The following TMEM39B variants were observed in gnomAD, a reference collection of about 807,000 sequenced individuals.
TMEM39B encodes transmembrane protein 39B.
A neutral mutation model predicts 52.2 loss-of-function variants in TMEM39B; 23 were observed. The observed-to-expected ratio is 0.44, with a 90% CI of 0.32 to 0.62. TMEM39B has a LOEUF of 0.62. TMEM39B is among the 20% of genes least tolerant of loss of function. The pLI is 0.06. For synonymous variants in TMEM39B, 285 were observed against 264.0 expected (o/e 1.08, Z -0.77); for missense variants, 547 against 642.0 (o/e 0.85, Z 1.60).
At chr1:32,088,908 T>C (rs1210392811) in intron 5 of TMEM39B, among the ~76,000 whole-genome samples, 1 of 152,070 alleles carries the variant, frequency 6.6e-6, no homozygotes, top group Non-Finnish European at 1.5e-5. Context: ...GGCCTCTTCC[T>C]TTTCTAGTCA....
intron 8 of TMEM39B, among the ~76,000 whole-genome samples, chr1:32,100,983 A>G (rs1405403493): frequency 1.5e-4 from 23 of 152,194 alleles, no homozygotes; most frequent in Non-Finnish European, 3.4e-4. Context: ...GTGAGCCGAG[A>G]TCATGCCACT....
At chr1:32,076,535 G>T (rs914432973) in intron 3 of TMEM39B, 1 of 677,346 alleles carries the variant, frequency 1.5e-6, no homozygotes, top group African/African-American at 1.8e-5. Context: ...CAGAGCAAGA[G>T]GGCTCACATA....
chr1:32,081,113 C>T (rs899439812), intron 5 of TMEM39B, among the ~76,000 whole-genome samples: 3 of 152,104 alleles, frequency 2.0e-5, no homozygotes, highest in African/African-American at 7.2e-5. Context: ...CATAGAAAAA[C>T]ATTAGTCTCC....
chr1:32,074,414 C>T (rs144381157), intron 1 of TMEM39B, among the ~76,000 whole-genome samples: 2 of 152,230 alleles, frequency 1.3e-5, no homozygotes, highest in East Asian at 3.9e-4. Flanking sequence ...GTGTGAAAAA[C>T]CTACCTTGCT....
chr1:32,092,553 C>T (rs553085010), intron 6 of TMEM39B, among the ~76,000 whole-genome samples: 57 of 152,144 alleles, frequency 3.7e-4, no homozygotes, highest in Admixed American at 2.3e-3. Context: ...TACAGTGGCA[C>T]GATCTCGGCT....
chr1:32,094,385 A>G (rs1435135268), intron 6 of TMEM39B, among the ~76,000 whole-genome samples: 1 of 151,988 alleles, frequency 6.6e-6, no homozygotes, highest in Non-Finnish European at 1.5e-5. Flanking sequence ...TCGGCCTCCC[A>G]AAGTGCCGGG....
intron 8 of TMEM39B, among the ~76,000 whole-genome samples, chr1:32,101,481 C>A (rs1040158800): frequency 2.6e-5 from 4 of 151,604 alleles, no homozygotes; most frequent in Middle Eastern, 3.4e-3. Flanking sequence ...ATATATGGGA[C>A]ATCCTGGCAC....
intron 3 of TMEM39B, 68 bp from the exon 4 acceptor site, chr1:32,076,695 T>G (rs1569858752): frequency 6.9e-7 from 1 of 1,457,186 alleles, no homozygotes; most frequent in Non-Finnish European, 9.6e-7. Context: ...CAGCGGGAGG[T>G]GGGTATGAAA....
chr1:32,072,900 T>C, upstream of TMEM39B: 7 of 1,094,242 alleles, frequency 6.4e-6, no homozygotes, highest in Non-Finnish European at 8.8e-6. Context: ...CCAGCCCGCC[T>C]TGTATGCAAA....
At chr1:32,074,836 C>G in intron 1 of TMEM39B, 115 bp from the exon 2 acceptor site, 1 of 1,297,800 alleles carries the variant, frequency 7.7e-7, no homozygotes, top group Non-Finnish European at 1.0e-6. Context: ...TCATAGGTCT[C>G]AGTGAGGATT....
chr1:32,074,749 A>T (rs1265086208), intron 1 of TMEM39B, among the ~76,000 whole-genome samples: 1 of 148,948 alleles, frequency 6.7e-6, no homozygotes, highest in African/African-American at 2.4e-5. Flanking sequence ...TGTTTAGAGC[A>T]TGGGGCGGGT....
upstream of TMEM39B, chr1:32,072,151 T>C (rs1174139558): frequency 6.6e-6 from 1 of 152,262 alleles, no homozygotes; most frequent in Non-Finnish European, 1.5e-5. Context: ...AATTGAATAC[T>C]GCTATTAAGT....
At chr1:32,074,844 A>C (rs1324069039) in intron 1 of TMEM39B, 107 bp from the exon 2 acceptor site, 3 of 1,348,050 alleles carry the variant, frequency 2.2e-6, no homozygotes, top group Non-Finnish European at 3.0e-6. Flanking sequence ...CTCAGTGAGG[A>C]TTAAATGATA....
chr1:32,092,573 C>A (rs898387972), intron 6 of TMEM39B, among the ~76,000 whole-genome samples: 14 of 152,142 alleles, frequency 9.2e-5, no homozygotes, highest in African/African-American at 3.4e-4. Context: ...TTACTGCAAC[C>A]TCCACCTCCC....
At chr1:32,083,189 A>G (rs1163154284) in intron 5 of TMEM39B, among the ~76,000 whole-genome samples, 1 of 135,178 alleles carries the variant, frequency 7.4e-6, no homozygotes, top group African/African-American at 2.9e-5. Context: ...AGTTCAAGTG[A>G]TTCTCCTCCC....
intron 1 of TMEM39B, chr1:32,073,293 G>C (rs1639714538): frequency 1.6e-5 from 8 of 508,736 alleles, no homozygotes; most frequent in Middle Eastern, 5.5e-4. Flanking sequence ...TTGGGCTTTC[G>C]TGAGGACCAG....
At chr1:32,078,771 A>C (rs1639968713) in intron 5 of TMEM39B, among the ~76,000 whole-genome samples, 2 of 151,152 alleles carry the variant, frequency 1.3e-5, no homozygotes, top group Non-Finnish European at 3.0e-5. Context: ...CTCCCAAGTA[A>C]CTGGGATTAC....
At chr1:32,083,956 G>T (rs150231847) in intron 5 of TMEM39B, among the ~76,000 whole-genome samples, 2 of 150,368 alleles carry the variant, frequency 1.3e-5, no homozygotes, top group African/African-American at 5.0e-5. Flanking sequence ...CTGCACTCCA[G>T]CGTGGGCAAT....
chr1:32,089,991 T>C (rs1332374732), intron 5 of TMEM39B, among the ~76,000 whole-genome samples: 1 of 150,362 alleles, frequency 6.7e-6, no homozygotes, highest in Non-Finnish European at 1.5e-5. Flanking sequence ...ATCGCGGCAC[T>C]GCACTCCAGC....
Sources: allele counts gnomAD v4.1 joint callset (sites outside exome capture counted in the v4.1 genomes callset), GRCh38; gene constraint gnomAD v4.1.1; transcripts MANE v1.5; gene names NCBI Gene and HGNC (gene_info 2026-07-23, HGNC 2026-07-21).